Variants in CTNND2 observed in about 807,000 individuals in gnomAD.
CTNND2 encodes catenin delta 2.
A neutral mutation model predicts 144.4 loss-of-function variants in CTNND2; 22 were observed. The observed-to-expected ratio is 0.15, with a 90% CI of 0.11 to 0.22. The LOEUF (loss-of-function observed/expected upper bound fraction) is 0.22, where lower values mean the gene tolerates loss of function less well. Among genes scored for constraint, CTNND2 ranks in the 10% least tolerant of loss-of-function variants. CTNND2 has a pLI of 1.00. For missense variants in CTNND2, 1,353 were observed against 1,618.8 expected, an observed-to-expected ratio of 0.84 and a Z score of 2.82; for synonymous variants, 751 against 695.6, an observed-to-expected ratio of 1.08 and a Z score of -1.25.
chr5:11,116,471 T>C (rs953237146), intron 13 of CTNND2, among the ~76,000 whole-genome samples: 7 of 152,266 alleles, frequency 4.6e-5, no homozygotes, highest in African/African-American at 1.7e-4. Flanking sequence ...CCTGCATTAC[T>C]TTATGACTAT....
chr5:11,656,867 T>A (rs1298107766), intron 2 of CTNND2, among the ~76,000 whole-genome samples: 1 of 152,146 alleles, frequency 6.6e-6, no homozygotes, highest in Admixed American at 6.6e-5. Context: ...ACAATCACTT[T>A]CGGCCAGATG....
chr5:11,616,570 C>G (rs548791752), intron 2 of CTNND2, among the ~76,000 whole-genome samples: 1 of 151,462 alleles, frequency 6.6e-6, no homozygotes, highest in East Asian at 1.9e-4. Flanking sequence ...TCCCTCCTTC[C>G]CTTCCCTTTC....
chr5:11,880,402 A>G (rs1735947907), intron 1 of CTNND2, among the ~76,000 whole-genome samples: 1 of 151,840 alleles, frequency 6.6e-6, no homozygotes, highest in African/African-American at 2.4e-5. Context: ...TAAAGAGTTA[A>G]TAAGTCAAGA....
chr5:11,100,291 G>A (rs868323226), intron 14 of CTNND2, among the ~76,000 whole-genome samples: 30 of 152,176 alleles, frequency 2.0e-4, no homozygotes, highest in African/African-American at 7.0e-4. Context: ...CAATGAACAT[G>A]TCACTCAATT....
chr5:11,500,917 G>A (rs1770466366), intron 3 of CTNND2, among the ~76,000 whole-genome samples: 1 of 152,154 alleles, frequency 6.6e-6, no homozygotes, highest in Non-Finnish European at 1.5e-5. Flanking sequence ...AATGGACCCT[G>A]ATGTAAAGAT....
At chr5:11,239,526 C>G (rs1561072610) in intron 9 of CTNND2, among the ~76,000 whole-genome samples, 1 of 152,216 alleles carries the variant, frequency 6.6e-6, no homozygotes, top group Non-Finnish European at 1.5e-5. Context: ...CACCACTCTT[C>G]CCACCTGAGG....
chr5:11,608,903 T>C (rs1780186558), intron 2 of CTNND2, among the ~76,000 whole-genome samples: 1 of 152,220 alleles, frequency 6.6e-6, no homozygotes, highest in African/African-American at 2.4e-5. Flanking sequence ...TTGATAGGAC[T>C]CTGCCTACCT....
At chr5:11,050,615 A>T (rs554842160) in intron 16 of CTNND2, among the ~76,000 whole-genome samples, 3 of 152,332 alleles carry the variant, frequency 2.0e-5, no homozygotes, top group South Asian at 4.1e-4. Flanking sequence ...ATGCATAAAA[A>T]CAGAACTTTG....
At chr5:11,185,800 T>G (rs754072726) in intron 11 of CTNND2, among the ~76,000 whole-genome samples, 2 of 152,246 alleles carry the variant, frequency 1.3e-5, no homozygotes, top group Admixed American at 6.5e-5. Context: ...AGACGTTATA[T>G]AATTTGGTGT....
chr5:11,414,749 C>T (rs1761799594), intron 3 of CTNND2, among the ~76,000 whole-genome samples: 1 of 152,188 alleles, frequency 6.6e-6, no homozygotes, highest in African/African-American at 2.4e-5. Context: ...TCCACCTCCT[C>T]CCACCCTCCA....
At chr5:11,426,730 G>A (rs1762814536) in intron 3 of CTNND2, among the ~76,000 whole-genome samples, 1 of 152,192 alleles carries the variant, frequency 6.6e-6, no homozygotes, top group African/African-American at 2.4e-5. Flanking sequence ...TTTGAATGAA[G>A]AAGGTAATGA....
At chr5:11,833,532 T>C (rs184166469) in intron 1 of CTNND2, among the ~76,000 whole-genome samples, 167 of 152,228 alleles carry the variant, frequency 1.1e-3, no homozygotes, top group African/African-American at 3.9e-3. Context: ...ATTTTGTTTT[T>C]TTTTGTTTTG....
intron 19 of CTNND2, among the ~76,000 whole-genome samples, chr5:10,991,814 CTA>C (rs1485385523): frequency 1.3e-5 from 2 of 152,216 alleles, no homozygotes; most frequent in Non-Finnish European, 2.9e-5. Context: ...AGCATCAGTG[CTA>C]TGTGTCAAAT....
chr5:11,388,514 A>G (rs1193153720), intron 6 of CTNND2, among the ~76,000 whole-genome samples: 1 of 152,258 alleles, frequency 6.6e-6, no homozygotes, highest in Non-Finnish European at 1.5e-5. Context: ...GCAGTTTACA[A>G]TAAATAAACC....
At chr5:11,481,146 A>C (rs757195411) in intron 3 of CTNND2, among the ~76,000 whole-genome samples, 1 of 152,218 alleles carries the variant, frequency 6.6e-6, no homozygotes, top group Non-Finnish European at 1.5e-5. Flanking sequence ...TAAGTGACAT[A>C]ATAACAAAAA....
At chr5:11,526,191 C>T (rs1336540360) in intron 3 of CTNND2, among the ~76,000 whole-genome samples, 1 of 152,140 alleles carries the variant, frequency 6.6e-6, no homozygotes, top group African/African-American at 2.4e-5. Flanking sequence ...CATGAGCCAC[C>T]ATGCCCGGTC....
chr5:11,367,999 T>C (rs1757136710), intron 7 of CTNND2, among the ~76,000 whole-genome samples: 2 of 152,190 alleles, frequency 1.3e-5, no homozygotes, highest in Admixed American at 1.3e-4. Context: ...TTTCTTCTCT[T>C]CACAGGGCAA....
At chr5:11,287,186 G>A (rs907275827) in intron 9 of CTNND2, among the ~76,000 whole-genome samples, 5 of 152,200 alleles carry the variant, frequency 3.3e-5, no homozygotes, top group East Asian at 1.9e-4. Flanking sequence ...TATTACAGAT[G>A]TTTTTGTGAA....
chr5:11,255,827 C>G (rs1561103339), intron 9 of CTNND2, among the ~76,000 whole-genome samples: 1 of 152,186 alleles, frequency 6.6e-6, no homozygotes, highest in African/African-American at 2.4e-5. Flanking sequence ...GGCCCAGGGC[C>G]TCATTACGTC....
Sources: gnomAD v4.1 joint callset for allele counts (sites outside exome capture counted in the v4.1 genomes callset) on GRCh38, gnomAD v4.1.1 for gene constraint, MANE v1.5 for transcripts, NCBI Gene and HGNC (gene_info 2026-07-23, HGNC 2026-07-21) for gene names.